SPOCK1: variants seen among roughly 807,000 people sequenced by gnomAD.
SPOCK1 encodes the protein testican-1.
A neutral mutation model predicts 55.3 loss-of-function variants in SPOCK1; 23 were observed. The observed-to-expected ratio is 0.42, with a 90% CI of 0.30 to 0.59. The LOEUF is 0.59. Ranked by LOEUF, SPOCK1 falls within the 20% of genes least tolerant of loss-of-function variation. SPOCK1 has a pLI of 0.22. For missense variants in SPOCK1, 499 were observed against 552.5 expected, an observed-to-expected ratio of 0.90 and a Z score of 0.97; for synonymous variants, 226 against 221.0, an observed-to-expected ratio of 1.02 and a Z score of -0.20.
At chr5:136,991,318 G>C (rs2126963602) in intron 7 of SPOCK1, among the ~76,000 whole-genome samples, 1 of 151,542 alleles carries the variant, frequency 6.6e-6, no homozygotes, top group East Asian at 1.9e-4. Context: ...AACCACTTTG[G>C]AGACACTTAA....
intron 2 of SPOCK1, among the ~76,000 whole-genome samples, chr5:137,383,946 G>A (rs1169769814): frequency 6.6e-6 from 1 of 152,188 alleles, no homozygotes; most frequent in East Asian, 1.9e-4. Context: ...GACCACAAAA[G>A]GCACACACTG....
intron 5 of SPOCK1, among the ~76,000 whole-genome samples, chr5:137,075,883 C>T (rs1485277463): frequency 6.6e-6 from 1 of 152,230 alleles, no homozygotes; most frequent in East Asian, 1.9e-4. Context: ...GACATTTTCC[C>T]TGTTATCTCC....
At chr5:137,289,035 G>C (rs1186872488) in intron 2 of SPOCK1, among the ~76,000 whole-genome samples, 1 of 152,192 alleles carries the variant, frequency 6.6e-6, no homozygotes, top group East Asian at 1.9e-4. Context: ...ACAGAACCCA[G>C]CTTGAGTCTT....
At chr5:137,106,397 A>G (rs1308807251) in intron 5 of SPOCK1, among the ~76,000 whole-genome samples, 1 of 152,128 alleles carries the variant, frequency 6.6e-6, no homozygotes, top group East Asian at 1.9e-4. Context: ...CTGATAACAG[A>G]AAAGAAAGGA....
At chr5:137,005,085 G>T (rs371467166) in intron 6 of SPOCK1, among the ~76,000 whole-genome samples, 47 of 152,322 alleles carry the variant, frequency 3.1e-4, no homozygotes, top group African/African-American at 1.1e-3. Context: ...ATTAGAGACA[G>T]AGTGAGCACA....
intron 6 of SPOCK1, among the ~76,000 whole-genome samples, chr5:137,058,557 A>G (rs1752339601): frequency 1.3e-5 from 2 of 152,248 alleles, no homozygotes; most frequent in African/African-American, 2.4e-5. Flanking sequence ...TCAGTCATTG[A>G]AAATCTAGAC....
At chr5:137,435,895 C>T (rs1752854941) in intron 2 of SPOCK1, among the ~76,000 whole-genome samples, 1 of 151,938 alleles carries the variant, frequency 6.6e-6, no homozygotes, top group South Asian at 2.1e-4. Context: ...TGGCTCACAC[C>T]TGTAATCCCA....
intron 5 of SPOCK1, among the ~76,000 whole-genome samples, chr5:137,093,567 T>C (rs1416414292): frequency 6.6e-6 from 1 of 152,082 alleles, no homozygotes; most frequent in Non-Finnish European, 1.5e-5. Context: ...GTAATTGGTA[T>C]GAAGAAAGCA....
chr5:137,143,216 A>T (rs1011660313), intron 3 of SPOCK1, among the ~76,000 whole-genome samples: 3 of 152,224 alleles, frequency 2.0e-5, no homozygotes, highest in Admixed American at 6.5e-5. Context: ...ACTTGAGTGG[A>T]TGTCAGAGAC....
intron 6 of SPOCK1, among the ~76,000 whole-genome samples, chr5:137,024,317 G>GGGT (rs1554093478): frequency 1.0e-4 from 9 of 89,160 alleles, no homozygotes; most frequent in South Asian, 4.2e-4. Flanking sequence ...AGTTTGAAGG[G>GGGT]GGGGGGGTAG....
intron 6 of SPOCK1, among the ~76,000 whole-genome samples, chr5:137,023,630 C>T (rs13167492): frequency 0.088 from 13,385 of 152,162 alleles, 819 homozygotes; most frequent in Non-Finnish European, 0.12. Flanking sequence ...ATTGTGCTAC[C>T]GATGGACAGA....
intron 5 of SPOCK1, among the ~76,000 whole-genome samples, chr5:137,108,595 T>C (rs545560258): frequency 1.3e-5 from 2 of 152,306 alleles, no homozygotes; most frequent in South Asian, 4.1e-4. Flanking sequence ...GGCTTCGGTA[T>C]ATCCTACACG....
Position 137,266,515 on chromosome 5 carries a change from C to G in SPOCK1, c.232+495G>C, listed in dbSNP as rs115192371. 7.5e-4 allele frequency among the ~76,000 whole-genome samples: 114 copies of G among 152,248 alleles called. 1 individual carries two copies. The highest frequency in any genetic ancestry group is 2.7e-3 in the African/African-American group (111 of 41,552). On this transcript the variant is annotated intron_variant, in intron 3 of 10. Coordinates refer to ENST00000394945, the MANE Select transcript of SPOCK1 (RefSeq NM_004598.4). ...GCCATGCTTAAACCCAAGTAGTCATCGAGCTAACTCTGAAACAGGCTTCTA... is the reference window on the plus strand; with the variant it reads ...GCCATGCTTAAACCCAAGTAGTCATGGAGCTAACTCTGAAACAGGCTTCTA...
At chr5:137,266,544 A>G (rs1756856031) in intron 3 of SPOCK1, among the ~76,000 whole-genome samples, 1 of 152,230 alleles carries the variant, frequency 6.6e-6, no homozygotes, top group South Asian at 2.1e-4. Context: ...GCTTCTATTT[A>G]GAAACCATGA....
At chr5:137,348,563 C>T (rs1049885754) in intron 2 of SPOCK1, among the ~76,000 whole-genome samples, 1 of 152,048 alleles carries the variant, frequency 6.6e-6, no homozygotes, top group Admixed American at 6.5e-5. Context: ...ATGATTATAG[C>T]TGACTTTGAT....
intron 6 of SPOCK1, among the ~76,000 whole-genome samples, chr5:137,038,691 C>G (rs1320902543): frequency 6.6e-6 from 1 of 152,028 alleles, no homozygotes; most frequent in African/African-American, 2.4e-5. Context: ...ATGACATGAG[C>G]CAAGGAAAGA....
rs1434140052 is a variant in SPOCK1 at position 137,151,342 on chromosome 5, C to G, written c.233-10648G>C. Among the ~76,000 whole-genome samples, 3 of 152,208 alleles carry G rather than the reference C, an allele frequency of 2.0e-5. No homozygotes were observed. The East Asian group carries it at 5.8e-4, about 29-fold the overall frequency. ...CAATGATCTATTATGGAATAGAATG[C>G]AAAATGTATATAAACTTGTATAGAA... On this transcript the variant is annotated intron_variant, in intron 3 of 10. Coordinates refer to ENST00000394945, the MANE Select transcript of SPOCK1 (RefSeq NM_004598.4).
chr5:137,180,175 T>C (rs1393557641), intron 3 of SPOCK1, among the ~76,000 whole-genome samples: 1 of 152,160 alleles, frequency 6.6e-6, no homozygotes, highest in African/African-American at 2.4e-5. Context: ...TCTCTGTACC[T>C]ACCTGCACGG....
At chr5:137,187,527 T>C (rs1463138110) in intron 3 of SPOCK1, among the ~76,000 whole-genome samples, 1 of 152,154 alleles carries the variant, frequency 6.6e-6, no homozygotes, top group Non-Finnish European at 1.5e-5. Context: ...AATACCTCCT[T>C]ACTGAGGTGT....
Sources: gnomAD v4.1 joint callset for allele counts (sites outside exome capture counted in the v4.1 genomes callset) on GRCh38, gnomAD v4.1.1 for gene constraint, MANE v1.5 for transcripts, NCBI Gene and HGNC (gene_info 2026-07-23, HGNC 2026-07-21) for gene names.